STK11: variants seen among roughly 807,000 people sequenced by gnomAD.
The protein encoded by STK11 is serine/threonine kinase 11, also known as serine/threonine-protein kinase STK11.
A neutral mutation model predicts 47.3 loss-of-function variants in STK11; 8 were observed. That is an observed-to-expected ratio of 0.17 (90% CI 0.10 to 0.31). The LOEUF (loss-of-function observed/expected upper bound fraction) is 0.31. STK11 is among the 10% of genes least tolerant of loss of function. STK11 has a pLI of 1.00. For missense variants in STK11, 475 were observed against 605.0 expected, an observed-to-expected ratio of 0.79 and a Z score of 2.25; for synonymous variants, 330 against 255.8, an observed-to-expected ratio of 1.29 and a Z score of -2.77.
chr19:1,207,287 C>G (rs77762532), intron 1 of STK11, 84 bp downstream of exon 1: 8 of 1,484,978 alleles, frequency 5.4e-6, no homozygotes, highest in Non-Finnish European at 7.3e-6. Flanking sequence ...TCTCCTCCCT[C>G]CCTCCCTTAC....
chr19:1,222,872 G>A (rs546529461), intron 7 of STK11, 113 bp from the exon 8 acceptor site: 2 of 1,268,532 alleles, frequency 1.6e-6, no homozygotes, highest in Non-Finnish European at 2.1e-6. Context: ...TGCACGGCCT[G>A]GTCCCAGCTC....
intron 6 of STK11, chr19:1,221,710 C>T (rs1175072987): frequency 2.8e-5 from 17 of 600,470 alleles, no homozygotes; most frequent in Non-Finnish European, 4.7e-5. Context: ...CTTGGGAGAA[C>T]GGAACCGCCC....
intron 1 of STK11, among the ~76,000 whole-genome samples, chr19:1,218,025 T>C (rs1192070476): frequency 6.6e-6 from 1 of 152,032 alleles, no homozygotes; most frequent in Non-Finnish European, 1.5e-5. Flanking sequence ...GTGCCTGTAG[T>C]CCCAGCTACT....
intron 8 of STK11, chr19:1,225,761 G>A: frequency 1.0e-6 from 1 of 985,610 alleles, no homozygotes; most frequent in Non-Finnish European, 1.2e-6. Flanking sequence ...TGGCTCGGCA[G>A]CCAGTGTGTT....
intron 8 of STK11, chr19:1,226,081 C>T (rs1454794183): frequency 1.8e-6 from 2 of 1,082,024 alleles, no homozygotes; most frequent in Non-Finnish European, 2.2e-6. Flanking sequence ...TCCTGGGCCT[C>T]TAGAACCAAC....
rs749496328 is a variant in STK11 at position 1,224,552 on chromosome 19, G to C, written c.1108+1380G>C. On this transcript the variant is annotated intron_variant, in intron 8 of 9. Transcript: ENST00000326873. ...GGCAGGGCCAGCCCAGGCAGGTTGC[G>C]AGAGTCCCTACTGGGACGTGGACCA... The C allele has an allele frequency of 6.1e-6, 6 of 985,470 alleles. No individual in the cohort carries two copies. In the East Asian group the frequency reaches 3.4e-4, roughly 56 times the overall value. 61.0% of individuals were successfully genotyped at this position (985,470 alleles called of 1,614,324 possible).
At chr19:1,215,708 G>C (rs2080740274) in intron 1 of STK11, among the ~76,000 whole-genome samples, 1 of 152,154 alleles carries the variant, frequency 6.6e-6, no homozygotes, top group African/African-American at 2.4e-5. Flanking sequence ...CTGGGGGTGG[G>C]GAAGGCTGGG....
chr19:1,209,569 G>C (rs1037594977), intron 1 of STK11, among the ~76,000 whole-genome samples: 1 of 151,378 alleles, frequency 6.6e-6, no homozygotes, highest in African/African-American at 2.4e-5. Context: ...GCGACACAGC[G>C]AGACTCTGTC....
intron 1 of STK11, among the ~76,000 whole-genome samples, chr19:1,212,422 A>G (rs1385060395): frequency 6.6e-6 from 1 of 151,136 alleles, no homozygotes; most frequent in Non-Finnish European, 1.5e-5. Context: ...ACCACACCCG[A>G]CTAGTTTTTT....
chr19:1,227,028 CT>C (rs1047414067), intron 9 of STK11: 2 of 248,412 alleles, frequency 8.1e-6, no homozygotes, highest in African/African-American at 2.3e-5. Context: ...AGCCCAGAGG[CT>C]TTTGAGCACC....
intron 8 of STK11, chr19:1,223,641 G>T (rs1377150375): frequency 9.4e-7 from 1 of 1,066,990 alleles, no homozygotes; most frequent in East Asian, 5.3e-5. Flanking sequence ...TCCCTAGGTG[G>T]CGAGGAGGCG....
At position 1,222,034 on chromosome 19, in the gene STK11, C is replaced by T. The variant is rs371039379; in HGVS notation, c.920+28C>T. On this transcript the variant is annotated intron_variant, in intron 7 of 9. Coordinates refer to ENST00000326873, the MANE Select transcript of STK11 (RefSeq NM_000455.5). ...GAGCGGCCCCTGGGGGCAGTGGGGC[C>T]GAGGCTGCAGGGAGGCCGGCCATGT... 3.0e-5 allele frequency: 47 copies of T among 1,557,358 alleles called. No homozygotes were observed. Among genetic ancestry groups the T allele is most frequent in the African/African-American group, 2.6e-4 (19 of 73,326 alleles).
intron 8 of STK11, 63 bp downstream of exon 8, chr19:1,223,235 G>A (rs2080798760): frequency 6.5e-7 from 1 of 1,549,520 alleles, no homozygotes; most frequent in Admixed American, 1.9e-5. Flanking sequence ...CACGGGAGCA[G>A]GGTGCCTGCC....
chr19:1,222,316 C>G (rs1249867250), intron 7 of STK11, among the ~76,000 whole-genome samples: 1 of 152,230 alleles, frequency 6.6e-6, no homozygotes, highest in East Asian at 1.9e-4. Context: ...CTCTCTTTTT[C>G]CCCTCCTCCT....
chr19:1,213,639 G>A (rs147739512), intron 1 of STK11, among the ~76,000 whole-genome samples: 2 of 152,372 alleles, frequency 1.3e-5, no homozygotes, highest in East Asian at 3.9e-4. Flanking sequence ...TTTCCAGTGT[G>A]TGGAGGGCCA....
intron 1 of STK11, among the ~76,000 whole-genome samples, chr19:1,215,046 A>C (rs1224485564): frequency 6.6e-6 from 1 of 151,784 alleles, no homozygotes; most frequent in Admixed American, 6.6e-5. Flanking sequence ...TCAGCGGGGG[A>C]GGTTAGGGGC....
At chr19:1,221,379 C>A (rs369142557) in intron 6 of STK11, 39 bp downstream of exon 6, 226 of 1,565,848 alleles carry the variant, frequency 1.4e-4, no homozygotes, top group Non-Finnish European at 1.9e-4. Flanking sequence ...CCCAGGGAGG[C>A]GGGGCTTTTG....
rs1458510988 is a variant in STK11 at position 1,206,579 on chromosome 19, A to G, written c.-335A>G. 9.6e-6 allele frequency: 4 copies of G among 417,812 alleles called. No individual in the cohort carries two copies. Among genetic ancestry groups the G allele is most frequent in the Admixed American group, 8.3e-5 (2 of 24,072 alleles). The allele number at this position is 417,812 out of a possible 1,614,324, so 25.9% of individuals were successfully genotyped here. A position where few individuals can be genotyped will look rare whatever the true frequency, so the allele number is the denominator to read the frequency against. ...CTGAAAAGCCCCGGCCGGCCTCCCCAGGGTCCCCGAGGACGAAGTTGACCC... is the reference window on the plus strand; with the variant it reads ...CTGAAAAGCCCCGGCCGGCCTCCCCGGGGTCCCCGAGGACGAAGTTGACCC... On this transcript the variant is annotated 5_prime_UTR_variant, in exon 1 of 10. Transcript: ENST00000326873.
intron 2 of STK11, 139 bp from the exon 3 acceptor site, chr19:1,219,185 T>G: frequency 1.0e-6 from 1 of 980,010 alleles, no homozygotes; most frequent in Non-Finnish European, 1.5e-6. Context: ...GAGGGGTGGC[T>G]GAGGGCAGGG....
Sources: allele counts gnomAD v4.1 joint callset (sites outside exome capture counted in the v4.1 genomes callset), GRCh38; gene constraint gnomAD v4.1.1; transcripts MANE v1.5; gene names NCBI Gene and HGNC (gene_info 2026-07-23, HGNC 2026-07-21).